GALNTL6: variants seen among roughly 807,000 people sequenced by gnomAD.
The protein encoded by GALNTL6 is polypeptide N-acetylgalactosaminyltransferase like 6.
In GALNTL6, 46 loss-of-function variants were observed where a neutral mutation model predicts 73.7. That is an observed-to-expected ratio of 0.62 (90% confidence interval 0.49 to 0.80). The LOEUF (loss-of-function observed/expected upper bound fraction) is 0.80. Ranked by LOEUF, GALNTL6 falls within the 30% of genes least tolerant of loss-of-function variation. The pLI, the probability that GALNTL6 is intolerant of heterozygous loss-of-function variation, is 0.00. For synonymous variants in GALNTL6, 259 were observed against 263.7 expected (o/e 0.98, Z 0.17); for missense variants, 604 against 755.0 (o/e 0.80, Z 2.34).
chr4:172,001,364 G>A (rs1740666242), intron 2 of GALNTL6, among the ~76,000 whole-genome samples: 1 of 151,996 alleles, frequency 6.6e-6, no homozygotes, highest in Non-Finnish European at 1.5e-5. Flanking sequence ...TTGATGCAAG[G>A]GTACAAATAC....
intron 2 of GALNTL6, among the ~76,000 whole-genome samples, chr4:172,201,506 AGTTTTTTTTTTTT>A (rs1025491780): frequency 2.7e-5 from 4 of 148,094 alleles, no homozygotes; most frequent in African/African-American, 7.5e-5. Context: ...CACCGGGACT[AGTTTTTTTTTTTT>A]GTTTTTTGTT....
intron 2 of GALNTL6, among the ~76,000 whole-genome samples, chr4:172,142,312 C>T (rs1579179488): frequency 6.6e-6 from 1 of 152,162 alleles, no homozygotes; most frequent in East Asian, 1.9e-4. Context: ...AGTCCTTAAA[C>T]ATTCAGACTT....
intron 2 of GALNTL6, among the ~76,000 whole-genome samples, chr4:171,992,896 G>A (rs1453529758): frequency 1.3e-5 from 2 of 152,016 alleles, no homozygotes; most frequent in East Asian, 1.9e-4. Flanking sequence ...CTCATACTAT[G>A]CCTTCAGACA....
intron 5 of GALNTL6, among the ~76,000 whole-genome samples, chr4:172,708,119 C>G (rs1328802001): frequency 6.6e-6 from 1 of 152,144 alleles, no homozygotes; most frequent in Non-Finnish European, 1.5e-5. Context: ...GGCACAATCT[C>G]GACTCACTGC....
chr4:172,145,252 G>A (rs1733899194), intron 2 of GALNTL6, among the ~76,000 whole-genome samples: 1 of 152,076 alleles, frequency 6.6e-6, no homozygotes, highest in South Asian at 2.1e-4. Context: ...CCATTCTCCT[G>A]CCTCAGCCTC....
chr4:171,987,798 T>G (rs930533691), intron 2 of GALNTL6, among the ~76,000 whole-genome samples: 1 of 151,974 alleles, frequency 6.6e-6, no homozygotes, highest in Non-Finnish European at 1.5e-5. Context: ...TCAAGCGTGA[T>G]CAGGGTGAGG....
chr4:171,830,971 A>G (rs1018922721), intron 2 of GALNTL6, among the ~76,000 whole-genome samples: 3 of 152,126 alleles, frequency 2.0e-5, no homozygotes, highest in Admixed American at 6.6e-5. Flanking sequence ...ACTAATCTTT[A>G]AAAAAAGCAT....
intron 2 of GALNTL6, among the ~76,000 whole-genome samples, chr4:171,877,108 C>G (rs1486412153): frequency 6.6e-6 from 1 of 152,142 alleles, no homozygotes; most frequent in East Asian, 1.9e-4. Flanking sequence ...TCTGTTTCTC[C>G]ACTTTCAAAA....
chr4:172,299,496 T>A (rs1739823278), intron 3 of GALNTL6, among the ~76,000 whole-genome samples: 1 of 152,214 alleles, frequency 6.6e-6, no homozygotes, highest in South Asian at 2.1e-4. Flanking sequence ...CTTTCTCTTG[T>A]GGGCATTTAG....
chr4:172,655,290 T>G (rs1333619280), intron 5 of GALNTL6, among the ~76,000 whole-genome samples: 1 of 152,234 alleles, frequency 6.6e-6, no homozygotes, highest in Non-Finnish European at 1.5e-5. Context: ...TAATCATTTT[T>G]AATGCCATAT....
intron 5 of GALNTL6, among the ~76,000 whole-genome samples, chr4:172,412,283 C>G (rs1467515135): frequency 2.6e-5 from 4 of 152,142 alleles, no homozygotes; most frequent in Non-Finnish European, 5.9e-5. Flanking sequence ...CTCAAGCCAT[C>G]CACTCACCTT....
chr4:172,395,210 A>G (rs1743805069), intron 5 of GALNTL6, among the ~76,000 whole-genome samples: 1 of 152,196 alleles, frequency 6.6e-6, no homozygotes, highest in Non-Finnish European at 1.5e-5. Context: ...CCATGAGTCT[A>G]TATGTTTCTG....
intron 4 of GALNTL6, among the ~76,000 whole-genome samples, chr4:172,315,153 A>T (rs1479100711): frequency 6.6e-6 from 1 of 152,182 alleles, no homozygotes; most frequent in African/African-American, 2.4e-5. Flanking sequence ...AATGCTCTTA[A>T]CATCTCTCTA....
chr4:172,750,186 G>A (rs1379099398), intron 5 of GALNTL6, among the ~76,000 whole-genome samples: 3 of 152,220 alleles, frequency 2.0e-5, no homozygotes, highest in East Asian at 1.9e-4. Flanking sequence ...TCAGGGTTGC[G>A]GGTGGATAGA....
chr4:172,410,028 A>T (rs1197441085), intron 5 of GALNTL6, among the ~76,000 whole-genome samples: 3 of 152,040 alleles, frequency 2.0e-5, no homozygotes, highest in Admixed American at 2.0e-4. Flanking sequence ...TTTACATGTT[A>T]TGCTAATTAT....
intron 5 of GALNTL6, among the ~76,000 whole-genome samples, chr4:172,639,907 A>C (rs2111118364): frequency 6.6e-6 from 1 of 152,166 alleles, no homozygotes; most frequent in South Asian, 2.1e-4. Flanking sequence ...GCATCATCAA[A>C]GTTTTCTCTA....
At chr4:172,182,702 C>G (rs934170128) in intron 2 of GALNTL6, among the ~76,000 whole-genome samples, 1 of 151,676 alleles carries the variant, frequency 6.6e-6, no homozygotes, top group African/African-American at 2.4e-5. Context: ...AAATTTAATA[C>G]CTGTTGGTTT....
At chr4:171,966,655 G>A (rs920168001) in intron 2 of GALNTL6, among the ~76,000 whole-genome samples, 4 of 152,158 alleles carry the variant, frequency 2.6e-5, no homozygotes, top group African/African-American at 9.7e-5. Flanking sequence ...GAGAGCCTCT[G>A]CATTGGGCTT....
At chr4:172,248,764 A>T in intron 3 of GALNTL6, among the ~76,000 whole-genome samples, 1 of 152,064 alleles carries the variant, frequency 6.6e-6, no homozygotes, top group East Asian at 1.9e-4. Context: ...TGATGGTTTT[A>T]TAAGGTGCTT....
Sources: allele counts gnomAD v4.1 joint callset (sites outside exome capture counted in the v4.1 genomes callset), GRCh38; gene constraint gnomAD v4.1.1; transcripts MANE v1.5; gene names NCBI Gene and HGNC (gene_info 2026-07-23, HGNC 2026-07-21).